The following ASPRV1 variants were observed in gnomAD, a reference collection of about 807,000 sequenced individuals.
ASPRV1 encodes the protein aspartic peptidase retroviral like 1.
Under a neutral mutation model 11.0 loss-of-function variants are expected in ASPRV1, and 7 were observed. The observed-to-expected ratio is 0.64, with a 90% confidence interval of 0.36 to 1.20. The LOEUF (loss-of-function observed/expected upper bound fraction) is 1.20. ASPRV1 is among the 50% of genes most tolerant of loss of function. ASPRV1 has a pLI of 0.02. For missense variants in ASPRV1, 299 were observed against 320.0 expected, an observed-to-expected ratio of 0.93 and a Z score of 0.50; for synonymous variants, 136 against 138.4, an observed-to-expected ratio of 0.98 and a Z score of 0.12.
At chr2:70,050,015 G>A in the ASPRV1 span, 1 of 152,258 alleles carries the variant, frequency 6.6e-6, no homozygotes, top group African/African-American at 2.4e-5. Context: ...TGGGCGCAGT[G>A]GCTCACGCCT....
At chr2:69,964,771 C>T (rs973223438), upstream of ASPRV1, 1 of 152,842 alleles carries the variant, frequency 6.5e-6, no homozygotes, top group African/African-American at 2.4e-5. Context: ...ACCCTCCACG[C>T]CCCCTCACTG....
the ASPRV1 span, among the ~76,000 whole-genome samples, chr2:70,009,585 C>T: frequency 6.6e-6 from 1 of 152,334 alleles, no homozygotes; most frequent in East Asian, 1.9e-4. Context: ...CCGCCTCGGC[C>T]TCCCAAAGTG....
At chr2:70,011,799 G>A in the ASPRV1 span, 1 of 152,498 alleles carries the variant, frequency 6.6e-6, no homozygotes, top group East Asian at 1.9e-4. Context: ...ATCATCCAGG[G>A]AAAGGAGGAG....
chr2:70,013,720 T>C, the ASPRV1 span, among the ~76,000 whole-genome samples: 13 of 152,082 alleles, frequency 8.5e-5, no homozygotes, highest in Admixed American at 2.6e-4. Flanking sequence ...TGAAACCCCA[T>C]CTCTACAAAA....
chr2:70,085,609 TTA>T, the ASPRV1 span: 1 of 151,444 alleles, frequency 6.6e-6, no homozygotes, highest in African/African-American at 2.4e-5. Context: ...CACTTCATCT[TTA>T]TGTTTGTCTT....
the ASPRV1 span, among the ~76,000 whole-genome samples, chr2:70,026,527 T>C: frequency 6.6e-6 from 1 of 151,656 alleles, no homozygotes; most frequent in East Asian, 1.9e-4. Flanking sequence ...AAAACCAACA[T>C]ACGAAAATCA....
chr2:69,970,412 C>T, the ASPRV1 span, among the ~76,000 whole-genome samples: 2 of 152,152 alleles, frequency 1.3e-5, no homozygotes, highest in African/African-American at 4.8e-5. Flanking sequence ...ACGAAGTCCC[C>T]CTCCCTAGTT....
chr2:70,071,195 T>C, the ASPRV1 span, among the ~76,000 whole-genome samples: 3 of 152,188 alleles, frequency 2.0e-5, no homozygotes, highest in African/African-American at 7.2e-5. Context: ...CAATTCATTC[T>C]TCAAGGAGGA....
At chr2:70,054,526 G>A in the ASPRV1 span, among the ~76,000 whole-genome samples, 2 of 151,700 alleles carry the variant, frequency 1.3e-5, no homozygotes, top group Non-Finnish European at 2.9e-5. Context: ...GCAGTGAGCC[G>A]AGATCGCGCC....
Position 69,960,456 on chromosome 2 carries a change from C to A in ASPRV1, c.*201G>T. 1 of 593,962 alleles carries A rather than the reference C, an allele frequency of 1.7e-6. No individual in the cohort carries two copies. Among genetic ancestry groups the A allele is most frequent in the East Asian group, 2.8e-5 (1 of 35,868 alleles). 36.8% of individuals were successfully genotyped at this position (593,962 alleles called of 1,614,324 possible). A position where few individuals can be genotyped will look rare whatever the true frequency, so the allele number is the denominator to read the frequency against. Reference sequence around the variant, plus strand: ...CTGTCCCTCTAAGCCAGCCTGCTCTCCCTCACCTGTGCCTGTTCAGTGGAA... The same window carrying A: ...CTGTCCCTCTAAGCCAGCCTGCTCTACCTCACCTGTGCCTGTTCAGTGGAA... On this transcript the variant is annotated 3_prime_UTR_variant, in exon 1 of 1. Transcript: ENST00000320256.
At chr2:69,939,667 G>A in the ASPRV1 span, 20 of 152,734 alleles carry the variant, frequency 1.3e-4, no homozygotes, top group African/African-American at 4.8e-4. Flanking sequence ...TTGAGGTCTT[G>A]ATGTTTTCAG....
the ASPRV1 span, among the ~76,000 whole-genome samples, chr2:69,975,160 G>A: frequency 1.3e-5 from 2 of 152,244 alleles, no homozygotes; most frequent in Non-Finnish European, 2.9e-5. Flanking sequence ...CCCCTCCCTT[G>A]AAGGGCAGAG....
the ASPRV1 span, among the ~76,000 whole-genome samples, chr2:70,003,492 GCT>G: frequency 6.6e-6 from 1 of 152,206 alleles, no homozygotes; most frequent in Non-Finnish European, 1.5e-5. Flanking sequence ...GCACTCTCTT[GCT>G]CTCTCTGTGA....
At chr2:69,947,762 T>G in the ASPRV1 span, among the ~76,000 whole-genome samples, 18 of 152,182 alleles carry the variant, frequency 1.2e-4, no homozygotes, top group South Asian at 2.9e-3. Context: ...TTTTTGGTTT[T>G]TTTGTTTGTT....
the ASPRV1 span, among the ~76,000 whole-genome samples, chr2:69,952,702 T>C: frequency 2.0e-5 from 3 of 152,092 alleles, no homozygotes; most frequent in Non-Finnish European, 2.9e-5. Context: ...ATTGTGTGGG[T>C]TGTTTGGTGC....
At chr2:69,995,947 T>G in the ASPRV1 span, among the ~76,000 whole-genome samples, 1 of 152,096 alleles carries the variant, frequency 6.6e-6, no homozygotes, top group Non-Finnish European at 1.5e-5. Flanking sequence ...AACCAAGGCC[T>G]CCTCCTCCTT....
chr2:69,957,763 T>C (rs1414356878), downstream of ASPRV1, among the ~76,000 whole-genome samples: 1 of 152,112 alleles, frequency 6.6e-6, no homozygotes, highest in African/African-American at 2.4e-5. Context: ...ATTTAGACCA[T>C]GGGTTCCCAA....
the ASPRV1 span, among the ~76,000 whole-genome samples, chr2:70,017,462 C>T: frequency 6.6e-6 from 1 of 151,458 alleles, no homozygotes; most frequent in Non-Finnish European, 1.5e-5. Context: ...AAGTTTTTTT[C>T]GTAAGATTAG....
chr2:69,945,233 T>C, the ASPRV1 span, among the ~76,000 whole-genome samples: 2 of 152,326 alleles, frequency 1.3e-5, no homozygotes, highest in Middle Eastern at 3.4e-3. Context: ...AGAGAGACCC[T>C]GTCTCAAAAA....
Sources: gnomAD v4.1 joint callset for allele counts (sites outside exome capture counted in the v4.1 genomes callset) on GRCh38, gnomAD v4.1.1 for gene constraint, MANE v1.5 for transcripts, NCBI Gene and HGNC (gene_info 2026-07-23, HGNC 2026-07-21) for gene names.